The following CDH23 variants were observed in gnomAD, a reference collection of about 807,000 sequenced individuals.
CDH23 encodes the protein cadherin-23.
Under a neutral mutation model 317.1 loss-of-function variants are expected in CDH23, and 189 were observed. The observed-to-expected ratio is 0.60, with a 90% CI of 0.53 to 0.67. The LOEUF (loss-of-function observed/expected upper bound fraction) is 0.67. CDH23 is among the 30% of genes least tolerant of loss of function. The pLI is 0.00. For missense variants in CDH23, 4,401 were observed against 4,592.4 expected (o/e 0.96, Z 1.20); for synonymous variants, 1,839 against 1,876.8 (o/e 0.98, Z 0.52).
At chr10:71,427,135 A>G (rs1405041133) in intron 1 of CDH23, among the ~76,000 whole-genome samples, 1 of 148,240 alleles carries the variant, frequency 6.7e-6, no homozygotes, top group Non-Finnish European at 1.5e-5. Flanking sequence ...AGCCTGGGCA[A>G]CAGAGTGAGA....
At chr10:71,617,176 A>T (rs1329829503) in intron 10 of CDH23, 29 bp from the exon 11 acceptor site, 1 of 1,599,166 alleles carries the variant, frequency 6.3e-7, no homozygotes, top group Admixed American at 1.7e-5. Context: ...AGCTGCCTTC[A>T]CTCCGGGGTG....
rs1383039387 is a variant in CDH23 at position 71,790,326 on chromosome 10, C to A, written c.5962C>A (p.Leu1988Met). The A allele has an allele frequency of 3.1e-6, 5 of 1,613,822 alleles. No individual in the cohort carries two copies. Among genetic ancestry groups the A allele is most frequent in the Non-Finnish European group, 4.2e-6 (5 of 1,179,892 alleles). ...GGTGCTCAATGGGCCCATCCTGGCCCTGGATGCAGACCAAGACATCTACGC... is the reference window on the plus strand; with the variant it reads ...GGTGCTCAATGGGCCCATCCTGGCCATGGATGCAGACCAAGACATCTACGC... ...LTVLNGPILA[L>M]DADQDIYAVV... The change falls in exon 46 of 70, where the codon CTG becomes ATG. Residue 1988 changes from leucine (L) to methionine (M), a missense_variant. By Grantham distance (15) the Leu-to-Met change is conservative (BLOSUM62 2). This residue lies in a region of CDH23 where 3,068 missense variants were observed against 3,203.3 expected (regional missense o/e 0.96). Coordinates refer to ENST00000224721, the MANE Select transcript of CDH23 (RefSeq NM_022124.6).
chr10:71,575,290 C>T (rs147581932), intron 8 of CDH23, among the ~76,000 whole-genome samples: 2 of 152,270 alleles, frequency 1.3e-5, no homozygotes, highest in Non-Finnish European at 2.9e-5. Flanking sequence ...CACAGTGATT[C>T]CAGGCCCAAA....
intron 6 of CDH23, among the ~76,000 whole-genome samples, chr10:71,528,747 G>A (rs1378264735): frequency 2.0e-5 from 3 of 152,184 alleles, no homozygotes; most frequent in Non-Finnish European, 4.4e-5. Context: ...CCACCCTGGG[G>A]GCCCAAGCCT....
chr10:71,796,923 C>A, intron 48 of CDH23, 181 bp from the exon 49 acceptor site: 1 of 555,190 alleles, frequency 1.8e-6, no homozygotes, highest in Non-Finnish European at 3.3e-6. Context: ...ATGGGAGGGG[C>A]AGAGCCACGT....
chr10:71,608,529 G>A (rs1860664672), intron 9 of CDH23, among the ~76,000 whole-genome samples: 1 of 152,180 alleles, frequency 6.6e-6, no homozygotes, highest in African/African-American at 2.4e-5. Flanking sequence ...CCCCAAGTAT[G>A]CCGCTGCCTC....
At chr10:71,511,076 C>T (rs1431137285) in intron 5 of CDH23, 44 bp from the exon 6 acceptor site, 4 of 1,611,538 alleles carry the variant, frequency 2.5e-6, no homozygotes, top group Non-Finnish European at 3.4e-6. Context: ...TGGAAGAGGC[C>T]AGAGTCAGGT....
At chr10:71,790,267 A>G (rs1230616713) in intron 45 of CDH23, 21 bp from the exon 46 acceptor site, 1 of 1,612,584 alleles carries the variant, frequency 6.2e-7, no homozygotes. Context: ...TCTTGTGGTG[A>G]CCCCTCTCCT....
At position 71,751,721 on chromosome 10, in the gene CDH23, G is replaced by A. The variant is rs763610736; in HGVS notation, c.4845+9800G>A. 1 of 1,580,446 alleles carries A rather than the reference G, an allele frequency of 6.3e-7. No homozygotes were observed. Among genetic ancestry groups the A allele is most frequent in the South Asian group, 1.2e-5 (1 of 86,452 alleles). On this transcript the variant is annotated intron_variant, in intron 38 of 69. Coordinates refer to ENST00000224721, the MANE Select transcript of CDH23 (RefSeq NM_022124.6). The surrounding 1 kb of genome is among the most constrained non-coding windows in gnomAD (Gnocchi z 4.9). ...GCCTGGAGGAGACAGGGGGGTGCTG[G>A]GCTCCGAAAGCAGATGCCGCCCAGA... is the stretch of plus-strand genomic sequence containing the variant.
chr10:71,810,657 A>C (rs1048979225), intron 62 of CDH23, 88 bp downstream of exon 62: 6 of 1,162,048 alleles, frequency 5.2e-6, no homozygotes, highest in Non-Finnish European at 7.6e-6. Flanking sequence ...ACCAAAGGAG[A>C]CACAGACCAC....
chr10:71,712,902 G>A, intron 28 of CDH23, 89 bp downstream of exon 28: 1 of 1,492,420 alleles, frequency 6.7e-7, no homozygotes, highest in Non-Finnish European at 9.2e-7. Context: ...AGTGGCACCA[G>A]AGGCGGAAGC....
Position 71,751,616 on chromosome 10 carries a change from T to C in CDH23, c.4845+9695T>C, listed in dbSNP as rs1336052892. On this transcript the variant is annotated intron_variant, in intron 38 of 69. Transcript: ENST00000224721. The surrounding 1 kb of genome is among the most constrained non-coding windows in gnomAD (Gnocchi z 4.9). ...AGTGAGGCCGATGCCCTGCAGGCCA[T>C]GAGGTCATGACCTTACAGGTCATCG... The C allele has an allele frequency of 6.7e-7, 1 of 1,490,418 alleles. No homozygotes were observed. The highest frequency in any genetic ancestry group is 1.4e-5 in the African/African-American group (1 of 70,976). 92.3% of individuals were successfully genotyped at this position (1,490,418 alleles called of 1,614,324 possible). A position where few individuals can be genotyped will look rare whatever the true frequency, so the allele number is the denominator to read the frequency against.
intron 38 of CDH23, chr10:71,753,743 G>T (rs1840064219): frequency 4.4e-6 from 2 of 456,230 alleles, no homozygotes; most frequent in African/African-American, 4.0e-5. Flanking sequence ...GTTTTAAGGA[G>T]ATTTACTGCT....
intron 38 of CDH23, among the ~76,000 whole-genome samples, chr10:71,756,616 A>C (rs1840155343): frequency 1.3e-5 from 2 of 152,210 alleles, no homozygotes; most frequent in African/African-American, 4.8e-5. Flanking sequence ...TCCCAACAGC[A>C]TGAGGAGGTT....
chr10:71,566,690 G>A (rs944250300), intron 6 of CDH23, 52 bp from the exon 7 acceptor site: 150 of 1,489,596 alleles, frequency 1.0e-4, no homozygotes, highest in Non-Finnish European at 1.2e-4. Flanking sequence ...CCCTGATGGC[G>A]CAGCTGCTCC....
chr10:71,663,357 T>C (rs530709008), intron 14 of CDH23, among the ~76,000 whole-genome samples: 1 of 152,350 alleles, frequency 6.6e-6, no homozygotes, highest in South Asian at 2.1e-4. Flanking sequence ...TGCAGCCTCC[T>C]TGGGCTTCTC....
chr10:71,617,028 C>T (rs1208997414), intron 10 of CDH23, among the ~76,000 whole-genome samples, 177 bp from the exon 11 acceptor site: 1 of 152,192 alleles, frequency 6.6e-6, no homozygotes, highest in Admixed American at 6.5e-5. Context: ...CCTCAGTTTC[C>T]TTATCACTAA....
chr10:71,703,493 A>G (rs1263985715), intron 24 of CDH23, among the ~76,000 whole-genome samples: 1 of 152,232 alleles, frequency 6.6e-6, no homozygotes, highest in East Asian at 1.9e-4. Flanking sequence ...GGACTCAATC[A>G]GACACACGTA....
At position 71,712,730 on chromosome 10, in the gene CDH23, A is replaced by G. The variant is rs934025237; in HGVS notation, c.3286A>G (p.Asn1096Asp). The change falls in exon 28 of 70, where the codon AAT becomes GAT. Residue 1096 changes from asparagine to aspartate, a missense_variant. Coordinates refer to ENST00000224721, the MANE Select transcript of CDH23 (RefSeq NM_022124.6). ...CGTGTTCGTCACTGTCCTGGATGTG[A>G]ATGACAACCGGCCCATCTTTCTGCA... ...ATVFVTVLDV[N>D]DNRPIFLQSS... 3.7e-6 allele frequency: 6 copies of G among 1,613,750 alleles called. No homozygotes were observed. The highest frequency in any genetic ancestry group is 3.4e-6 in the Non-Finnish European group (4 of 1,179,862).
Sources: gnomAD v4.1 joint callset for allele counts (sites outside exome capture counted in the v4.1 genomes callset) on GRCh38, gnomAD v4.1.1 for gene constraint, gnomAD v4.1.1 regional missense constraint, Gnocchi (gnomAD v3.1) non-coding constraint, MANE v1.5 for transcripts, NCBI Gene and HGNC (gene_info 2026-07-23, HGNC 2026-07-21) for gene names.